The following SBF2 variants were observed in gnomAD, a reference collection of about 807,000 sequenced individuals.
SBF2 encodes the protein myotubularin-related protein 13.
Under a neutral mutation model 225.2 loss-of-function variants are expected in SBF2, and 112 were observed. That is an observed-to-expected ratio of 0.50 (90% CI 0.43 to 0.58). SBF2 has a LOEUF of 0.58. Ranked by LOEUF, SBF2 falls within the 20% of genes least tolerant of loss-of-function variation. SBF2 has a pLI of 0.00. For synonymous variants in SBF2, 763 were observed against 773.3 expected, an observed-to-expected ratio of 0.99 and a Z score of 0.22; for missense variants, 1,996 against 2,206.2, an observed-to-expected ratio of 0.90 and a Z score of 1.91.
At chr11:9,849,374 T>C (rs1487417349) in intron 22 of SBF2, among the ~76,000 whole-genome samples, 1 of 152,234 alleles carries the variant, frequency 6.6e-6, no homozygotes, top group Non-Finnish European at 1.5e-5. Context: ...TTATGTGCTT[T>C]TCCTATCAAC....
intron 2 of SBF2, among the ~76,000 whole-genome samples, chr11:10,050,434 A>G (rs1712337052): frequency 6.6e-6 from 1 of 152,086 alleles, no homozygotes; most frequent in African/African-American, 2.4e-5. Flanking sequence ...ATGGAACCCT[A>G]TATGTACTAT....
At chr11:9,834,590 G>T (rs968720956) in intron 26 of SBF2, among the ~76,000 whole-genome samples, 1 of 152,094 alleles carries the variant, frequency 6.6e-6, no homozygotes, top group South Asian at 2.1e-4. Context: ...ATGATAACTT[G>T]GAAGCATTCT....
chr11:9,778,753 A>G lies in SBF2; in HGVS notation c.*1665T>C, dbSNP rs1195034466. The stretch of plus-strand genomic sequence containing the variant: ...CCTCCTGAATGCTGTGCACTACAGA[A>G]TGAACTTTAGTTCACAGTAAATGAG... On this transcript the variant is annotated 3_prime_UTR_variant, in exon 40 of 40. Coordinates refer to ENST00000256190, the MANE Select transcript of SBF2 (RefSeq NM_030962.4). The G allele has an allele frequency of 2.6e-5, 4 of 152,628 alleles. No homozygotes were observed. The highest frequency in any genetic ancestry group is 9.7e-5 in the African/African-American group (4 of 41,446). 9.5% of individuals were successfully genotyped at this position (152,628 alleles called of 1,614,324 possible). A position where few individuals can be genotyped will look rare whatever the true frequency, so the allele number is the denominator to read the frequency against.
chr11:10,273,928 C>A (rs531799748), intron 1 of SBF2, among the ~76,000 whole-genome samples: 17 of 152,296 alleles, frequency 1.1e-4, no homozygotes, highest in Middle Eastern at 3.4e-3. Context: ...GATGGCAGAC[C>A]ACAAACTAGG....
chr11:9,959,279 C>T, intron 16 of SBF2: 2 of 775,154 alleles, frequency 2.6e-6, no homozygotes, highest in South Asian at 2.7e-5. Context: ...TAATGAGCCT[C>T]CACAATGTCC....
chr11:9,812,805 G>A (rs1590140539), intron 29 of SBF2, 97 bp from the exon 30 acceptor site: 1 of 1,250,480 alleles, frequency 8.0e-7, no homozygotes, highest in Non-Finnish European at 1.1e-6. Context: ...AGTTATTTGG[G>A]GCCAAATAGC....
chr11:10,196,866 A>ATATATATATATATTTTTTTTT, intron 1 of SBF2, among the ~76,000 whole-genome samples: 66 of 99,258 alleles, frequency 6.6e-4, no homozygotes, highest in African/African-American at 2.6e-3. Context: ...ATATATATAT[A>ATATATATATATATTTTTTTTT]TTTTTTTTTT....
At chr11:10,299,828 A>G (rs1591386073) in intron 1 of SBF2, among the ~76,000 whole-genome samples, 1 of 152,206 alleles carries the variant, frequency 6.6e-6, no homozygotes, top group South Asian at 2.1e-4. Flanking sequence ...ACCACATTCC[A>G]TAGCCAAAAC....
At chr11:10,291,628 G>C (rs1964162159) in intron 1 of SBF2, among the ~76,000 whole-genome samples, 2 of 149,294 alleles carry the variant, frequency 1.3e-5, no homozygotes, top group Admixed American at 6.8e-5. Context: ...AATAGACTAA[G>C]GCAAATAGTA....
chr11:9,788,096 A>G (rs1852491892), intron 35 of SBF2: 1 of 323,222 alleles, frequency 3.1e-6, no homozygotes, highest in Admixed American at 4.3e-5. Flanking sequence ...CCCAGCCCTA[A>G]TAGCTGAGGT....
intron 1 of SBF2, among the ~76,000 whole-genome samples, chr11:10,247,402 T>C (rs912558779): frequency 6.6e-6 from 1 of 151,768 alleles, no homozygotes; most frequent in African/African-American, 2.4e-5. Context: ...ACAATCAGGC[T>C]GGGCATAGTG....
chr11:10,029,354 T>C (rs766190403), intron 5 of SBF2, among the ~76,000 whole-genome samples: 2 of 152,230 alleles, frequency 1.3e-5, no homozygotes, highest in Non-Finnish European at 2.9e-5. Context: ...AGAGTTTTCT[T>C]AATGTCATCT....
intron 1 of SBF2, among the ~76,000 whole-genome samples, chr11:10,254,899 TCAAAAAAAAAAA>T (rs1443464847): frequency 1.3e-4 from 2 of 15,686 alleles, no homozygotes; most frequent in Non-Finnish European, 2.4e-4. Flanking sequence ...AGACTCTGTC[TCAAAAAAAAAAA>T]AAAAAAAAAA....
intron 32 of SBF2, among the ~76,000 whole-genome samples, chr11:9,803,941 G>A (rs149682211): frequency 7.2e-4 from 110 of 152,222 alleles, no homozygotes; most frequent in Middle Eastern, 3.4e-3. Context: ...AGAAGGTAAC[G>A]ATTTGCTGTG....
intron 6 of SBF2, among the ~76,000 whole-genome samples, chr11:10,010,474 A>C (rs570646385): frequency 6.6e-6 from 1 of 152,176 alleles, no homozygotes; most frequent in African/African-American, 2.4e-5. Context: ...AGTTTTCCCA[A>C]CACCATTTAT....
intron 1 of SBF2, among the ~76,000 whole-genome samples, chr11:10,227,561 C>T (rs562783592): frequency 6.6e-6 from 1 of 152,250 alleles, no homozygotes; most frequent in South Asian, 2.1e-4. Flanking sequence ...TTTCCCAGCA[C>T]CATTTATTAA....
At chr11:10,032,462 C>T (rs541171697) in intron 3 of SBF2, among the ~76,000 whole-genome samples, 5 of 152,150 alleles carry the variant, frequency 3.3e-5, no homozygotes, top group Admixed American at 6.5e-5. Flanking sequence ...CTGCTCTATG[C>T]GCTTCTGTGT....
chr11:10,027,274 A>C (rs1174755693), intron 6 of SBF2, among the ~76,000 whole-genome samples: 1 of 152,232 alleles, frequency 6.6e-6, no homozygotes, highest in Non-Finnish European at 1.5e-5. Context: ...ATGTAGCTGG[A>C]AAGAATTACT....
chr11:10,205,582 G>A (rs1414671478), intron 1 of SBF2, among the ~76,000 whole-genome samples: 1 of 151,950 alleles, frequency 6.6e-6, no homozygotes, highest in Non-Finnish European at 1.5e-5. Flanking sequence ...GCCAAGGTAG[G>A]CTCACTCATC....
Sources: allele counts gnomAD v4.1 joint callset (sites outside exome capture counted in the v4.1 genomes callset), GRCh38; gene constraint gnomAD v4.1.1; transcripts MANE v1.5; gene names NCBI Gene and HGNC (gene_info 2026-07-23, HGNC 2026-07-21).